Variants in ZP3 observed in about 807,000 individuals in gnomAD.
The protein encoded by ZP3 is zona pellucida glycoprotein 3.
In ZP3, 21 loss-of-function variants were observed where a neutral mutation model predicts 35.6. That is an observed-to-expected ratio of 0.59 (90% confidence interval 0.42 to 0.85). The LOEUF (loss-of-function observed/expected upper bound fraction) is 0.85. Ranked by LOEUF, ZP3 falls within the 40% of genes least tolerant of loss-of-function variation. The pLI is 0.00. For synonymous variants in ZP3, 207 were observed against 214.5 expected (o/e 0.96, Z 0.31); for missense variants, 437 against 536.5 (o/e 0.81, Z 1.83).
intron 5 of ZP3, among the ~76,000 whole-genome samples, chr7:76,435,321 T>C (rs1234851294): frequency 2.0e-5 from 3 of 152,106 alleles, no homozygotes; most frequent in Non-Finnish European, 4.4e-5. Flanking sequence ...CCTGGCTAAT[T>C]TTTTTGTATT....
chr7:76,419,366 A>C (rs2115862412), intron 1 of ZP3, among the ~76,000 whole-genome samples: 1 of 152,276 alleles, frequency 6.6e-6, no homozygotes, highest in South Asian at 2.1e-4. Flanking sequence ...TTATGTGGGA[A>C]GTGAAATCCA....
chr7:76,400,859 T>G (rs1804800767), intron 1 of ZP3: 1 of 1,215,536 alleles, frequency 8.2e-7, no homozygotes, highest in Middle Eastern at 2.7e-4. Context: ...CAATCCCTTC[T>G]GGAAAATGGG....
At chr7:76,435,174 C>T (rs1213892998) in intron 5 of ZP3, among the ~76,000 whole-genome samples, 2 of 152,212 alleles carry the variant, frequency 1.3e-5, no homozygotes, top group Non-Finnish European at 2.9e-5. Context: ...GTGAAACCCC[C>T]TCTACTAAAA....
intron 3 of ZP3, 144 bp from the exon 4 acceptor site, chr7:76,433,326 T>C (rs571531434): frequency 2.5e-5 from 22 of 883,102 alleles, no homozygotes; most frequent in Non-Finnish European, 3.2e-5. Flanking sequence ...AGCTAACTTT[T>C]CTATTTTTAG....
intron 1 of ZP3, among the ~76,000 whole-genome samples, chr7:76,415,061 A>G (rs150713486): frequency 4.5e-4 from 68 of 151,326 alleles, no homozygotes; most frequent in Non-Finnish European, 8.4e-4. Flanking sequence ...ACATTTTACA[A>G]TTACGATATA....
chr7:76,403,819 G>A (rs11762170), intron 1 of ZP3, among the ~76,000 whole-genome samples: 3 of 151,486 alleles, frequency 2.0e-5, no homozygotes, highest in Non-Finnish European at 4.4e-5. Context: ...GTGCTGCCAA[G>A]CCTGGTTAAT....
chr7:76,412,616 G>A (rs373012184), intron 1 of ZP3, among the ~76,000 whole-genome samples: 1 of 152,104 alleles, frequency 6.6e-6, no homozygotes, highest in African/African-American at 2.4e-5. Context: ...TTGGGAGGTC[G>A]AGGCAGGCAG....
rs1016665238 is a variant in ZP3 at position 76,401,091 on chromosome 7, C to T, written c.-67+3294C>T. On this transcript the variant is annotated intron_variant, in intron 1 of 8. Transcript: ENST00000336517. ...ATTGGCCCCTCTGCCCACACCATGG[C>T]TCCCTGGTCCCAGGAACACACCCCC... The T allele has an allele frequency of 4.0e-6, 6 of 1,496,030 alleles. No individual in the cohort carries two copies. In the African/African-American group the frequency reaches 8.5e-5, roughly 21 times the overall value. The allele number at this position is 1,496,030 out of a possible 1,614,324, so 92.7% of individuals were successfully genotyped here.
chr7:76,412,749 T>C (rs1161885327), intron 1 of ZP3, among the ~76,000 whole-genome samples: 1 of 151,396 alleles, frequency 6.6e-6, no homozygotes, highest in Non-Finnish European at 1.5e-5. Context: ...CTCGGGAGGC[T>C]GACGCAGGAG....
At position 76,432,992 on chromosome 7, in the gene ZP3, CAG is replaced by C. The variant is rs1805876021; in HGVS notation, c.500_501del (p.Glu167GlyfsTer17). 2 of 1,614,118 alleles carry C rather than the reference CAG, an allele frequency of 1.2e-6. No homozygotes were observed. Among genetic ancestry groups the C allele is most frequent in the Non-Finnish European group, 1.7e-6 (2 of 1,180,020 alleles). On this transcript the variant is annotated frameshift_variant, in exon 3 of 8. Coordinates refer to ENST00000394857, the MANE Select transcript of ZP3 (RefSeq NM_001110354.2). LOFTEE classifies it high-confidence loss of function. Reference sequence around the variant, plus strand: ...TTGCCCTTCAGGACCACGGTGTTCTCAGAGGAGAAGCTGACTTTCTCTCTGCG... The same window carrying C: ...TTGCCCTTCAGGACCACGGTGTTCTCAGGAGAAGCTGACTTTCTCTCTGCG...
chr7:76,417,940 C>CTT (rs371645836), intron 1 of ZP3, among the ~76,000 whole-genome samples: 5 of 121,182 alleles, frequency 4.1e-5, no homozygotes, highest in East Asian at 3.4e-4. Context: ...TTCTTTCTTT[C>CTT]TTTTTTTTTT....
intron 1 of ZP3, among the ~76,000 whole-genome samples, chr7:76,410,574 G>C (rs534532930): frequency 6.6e-6 from 1 of 152,114 alleles, no homozygotes; most frequent in Admixed American, 6.6e-5. Context: ...ACCAGTCCCA[G>C]CTTTTTATGG....
chr7:76,433,490 A>G lies in ZP3; in HGVS notation c.556A>G (p.Arg186Gly). The G allele has an allele frequency of 6.2e-7, 1 of 1,613,550 alleles. No homozygotes were observed. The highest frequency in any genetic ancestry group is 2.2e-5 in the East Asian group (1 of 44,848). Residue 186 changes from arginine (R) to glycine (G), a missense_variant, in exon 4 of 8, where the codon AGG becomes GGG. Physicochemically the swap from Arg to Gly is moderately radical, Grantham distance 125. Transcript: ENST00000394857. Reference protein sequence around the residue: ...LMEENWNAEKRSPTFHLGDAA... With the variant: ...LMEENWNAEKGSPTFHLGDAA... ...TTCAGAGAACTGGAACGCTGAGAAGAGGTCCCCCACCTTCCACCTGGGAGA... is the reference window on the plus strand; with the variant it reads ...TTCAGAGAACTGGAACGCTGAGAAGGGGTCCCCCACCTTCCACCTGGGAGA...
At chr7:76,427,056 T>C (rs1805685287) in intron 1 of ZP3, among the ~76,000 whole-genome samples, 1 of 151,900 alleles carries the variant, frequency 6.6e-6, no homozygotes, top group African/African-American at 2.4e-5. Flanking sequence ...CCCTCTTTTA[T>C]TAACCCCACC....
At chr7:76,440,141 C>A (rs1005910812) in intron 5 of ZP3, 109 bp from the exon 6 acceptor site, 99 of 1,475,828 alleles carry the variant, frequency 6.7e-5, no homozygotes, top group Non-Finnish European at 8.8e-5. Flanking sequence ...GCCAATGCAC[C>A]CGGCCCCTTC....
At chr7:76,405,323 T>C (rs57079985) in intron 1 of ZP3, among the ~76,000 whole-genome samples, 1,329 of 29,092 alleles carry the variant, frequency 0.046, 101 homozygotes, top group African/African-American at 0.14. Flanking sequence ...ATATGTATTT[T>C]TTTCTTTCTT....
At chr7:76,412,959 C>CTTTTT (rs1163502002) in intron 1 of ZP3, among the ~76,000 whole-genome samples, 2 of 90,356 alleles carry the variant, frequency 2.2e-5, no homozygotes, top group Non-Finnish European at 4.4e-5. Flanking sequence ...TCTTCTTCTT[C>CTTTTT]TTCTTCTTTT....
chr7:76,397,980 G>T, intron 1 of ZP3: 2 of 822,556 alleles, frequency 2.4e-6, no homozygotes, highest in Non-Finnish European at 1.8e-6. Flanking sequence ...GGTCCAGACT[G>T]GGGGTAGCTT....
intron 6 of ZP3, 54 bp from the exon 7 acceptor site, chr7:76,440,421 G>A: frequency 1.2e-6 from 2 of 1,607,250 alleles, no homozygotes; most frequent in South Asian, 1.1e-5. Context: ...TATATTATCA[G>A]CAAACTGCTT....
Sources: gnomAD v4.1 joint callset for allele counts (sites outside exome capture counted in the v4.1 genomes callset) on GRCh38, gnomAD v4.1.1 for gene constraint, MANE v1.5 for transcripts, NCBI Gene and HGNC (gene_info 2026-07-23, HGNC 2026-07-21) for gene names.